The following TMEFF2 variants were observed in gnomAD, a reference collection of about 807,000 sequenced individuals.
TMEFF2 encodes transmembrane protein with EGF like and two follistatin like domains 2.
In TMEFF2, 28 loss-of-function variants were observed where a neutral mutation model predicts 53.8. The ratio of observed to expected loss-of-function variants is 0.52; its 90% CI spans 0.39 to 0.71. The LOEUF (loss-of-function observed/expected upper bound fraction) is 0.71. TMEFF2 is among the 30% of genes least tolerant of loss of function. The pLI, the probability that TMEFF2 is intolerant of heterozygous loss-of-function variation, is 0.00. For missense variants in TMEFF2, 353 were observed against 455.2 expected (o/e 0.78, Z 2.04); for synonymous variants, 162 against 166.3 (o/e 0.97, Z 0.20).
In TMEFF2 at chr2:192,132,022, C is replaced by T. The variant is rs571120395; in HGVS notation, c.439+47646G>A. 5.8e-3 allele frequency among the ~76,000 whole-genome samples: 880 copies of T among 151,874 alleles called. 7 individuals are homozygous for T. Among genetic ancestry groups the T allele is most frequent in the African/African-American group, 0.02 (828 of 41,430 alleles). ...TCCCAAATCTTCCTTCTTTCCCTCC[C>T]GCCTGTCCCCTCAGTCCCAACCCCA... On this transcript the variant is annotated intron_variant, in intron 4 of 9. Transcript: ENST00000272771.
chr2:192,107,170 ACT>A (rs1416242915), intron 4 of TMEFF2, among the ~76,000 whole-genome samples: 4 of 151,726 alleles, frequency 2.6e-5, no homozygotes, highest in African/African-American at 7.2e-5. Flanking sequence ...AGTTATTAAA[ACT>A]TTTTCAGTTA....
At chr2:192,002,089 C>T (rs1296629574) in intron 5 of TMEFF2, among the ~76,000 whole-genome samples, 1 of 152,130 alleles carries the variant, frequency 6.6e-6, no homozygotes, top group Non-Finnish European at 1.5e-5. Context: ...CTGCTGCTGA[C>T]ATCCTTCCCC....
chr2:192,107,308 G>A (rs1340895093), intron 4 of TMEFF2, among the ~76,000 whole-genome samples: 1 of 151,642 alleles, frequency 6.6e-6, no homozygotes. Context: ...ACTTACTGAT[G>A]AAGAATCTTG....
At chr2:192,130,407 T>C (rs760129819) in intron 4 of TMEFF2, among the ~76,000 whole-genome samples, 14 of 152,116 alleles carry the variant, frequency 9.2e-5, no homozygotes, top group Non-Finnish European at 1.6e-4. Context: ...TGAGCCCAAG[T>C]CAAGCCATCG....
At chr2:192,162,586 C>T (rs992193770) in intron 4 of TMEFF2, among the ~76,000 whole-genome samples, 7 of 152,120 alleles carry the variant, frequency 4.6e-5, no homozygotes, top group African/African-American at 1.7e-4. Flanking sequence ...TTACTTTTCG[C>T]CAACCCACAA....
At chr2:192,182,134 T>A (rs998423553) in intron 3 of TMEFF2, among the ~76,000 whole-genome samples, 14 of 151,882 alleles carry the variant, frequency 9.2e-5, no homozygotes, top group African/African-American at 3.4e-4. Flanking sequence ...CAAAAAAAAA[T>A]TAAGTTCAAT....
intron 5 of TMEFF2, chr2:192,028,773 G>A (rs981015817): frequency 2.6e-5 from 4 of 152,216 alleles, no homozygotes; most frequent in African/African-American, 9.6e-5. Flanking sequence ...GATACAAATT[G>A]TGTAATTTTG....
chr2:192,000,881 T>C (rs534517235), intron 5 of TMEFF2, among the ~76,000 whole-genome samples: 6 of 152,342 alleles, frequency 3.9e-5, no homozygotes, highest in African/African-American at 1.2e-4. Flanking sequence ...ACTTAACTCA[T>C]TGAGGAGCGG....
At chr2:192,137,374 C>T (rs1002953248) in intron 4 of TMEFF2, among the ~76,000 whole-genome samples, 3 of 152,012 alleles carry the variant, frequency 2.0e-5, no homozygotes, top group Non-Finnish European at 4.4e-5. Context: ...CATTCCCATC[C>T]CATTGAATTG....
chr2:192,094,212 A>T (rs1209381400), intron 4 of TMEFF2, among the ~76,000 whole-genome samples: 1 of 152,178 alleles, frequency 6.6e-6, no homozygotes, highest in Non-Finnish European at 1.5e-5. Context: ...GTCAGCTTAG[A>T]CTGAGAGGGT....
intron 7 of TMEFF2, among the ~76,000 whole-genome samples, chr2:191,989,704 C>A (rs552349988): frequency 2.0e-5 from 3 of 152,146 alleles, no homozygotes; most frequent in Admixed American, 1.3e-4. Context: ...TCTGGCATAT[C>A]CTGTCCAGTT....
chr2:192,027,822 G>C (rs1257686921), intron 5 of TMEFF2: 1 of 152,226 alleles, frequency 6.6e-6, no homozygotes. Flanking sequence ...TCCATGAGCT[G>C]TGTTCAATAT....
At position 192,194,689 on chromosome 2, in the gene TMEFF2, C is replaced by T; in HGVS notation, c.-165G>A. 1 of 701,578 alleles carries T rather than the reference C, an allele frequency of 1.4e-6. No homozygotes were observed. The highest frequency in any genetic ancestry group is 2.4e-6 in the Non-Finnish European group (1 of 418,080). The allele number at this position is 701,578 out of a possible 1,614,324, so 43.5% of individuals were successfully genotyped here. A position where few individuals can be genotyped will look rare whatever the true frequency, so the allele number is the denominator to read the frequency against. The stretch of plus-strand genomic sequence containing the variant: ...CAGCAGCCAAACCCGCGCATGATCT[C>T]GAGAGTTTCAGCAACATCCAGGGAC... On this transcript the variant is annotated 5_prime_UTR_variant, in exon 1 of 10. Coordinates refer to ENST00000272771, the MANE Select transcript of TMEFF2 (RefSeq NM_016192.4). The surrounding 1 kb of genome is among the most constrained non-coding windows in gnomAD (Gnocchi z 4.2).
At chr2:191,983,391 CTTT>C (rs11396477) in intron 7 of TMEFF2, among the ~76,000 whole-genome samples, 2 of 144,394 alleles carry the variant, frequency 1.4e-5, no homozygotes, top group African/African-American at 2.5e-5. Context: ...GCATCTTAGC[CTTT>C]TTTTTTTTTT....
chr2:192,116,424 TTAATAA>T (rs1475598558), intron 4 of TMEFF2, among the ~76,000 whole-genome samples: 1 of 151,924 alleles, frequency 6.6e-6, no homozygotes, highest in East Asian at 1.9e-4. Flanking sequence ...GTGAGTATAC[TTAATAA>T]TAATGTATTG....
At chr2:192,030,725 T>C (rs1035189422) in intron 5 of TMEFF2, 1 of 152,080 alleles carries the variant, frequency 6.6e-6, no homozygotes, top group African/African-American at 2.4e-5. Context: ...GGGTCTGAAC[T>C]ACACTGGTGT....
chr2:191,997,814 T>C (rs1007560994), intron 7 of TMEFF2, among the ~76,000 whole-genome samples: 1 of 151,892 alleles, frequency 6.6e-6, no homozygotes, highest in East Asian at 1.9e-4. Context: ...TAACTTTGCA[T>C]CTAAATAAAG....
chr2:192,045,430 C>G (rs1305914314), intron 5 of TMEFF2, among the ~76,000 whole-genome samples: 2 of 152,140 alleles, frequency 1.3e-5, no homozygotes, highest in Non-Finnish European at 2.9e-5. Context: ...GGATAGATCT[C>G]TCTCAATGGG....
intron 4 of TMEFF2, among the ~76,000 whole-genome samples, chr2:192,169,107 C>G (rs1440430883): frequency 6.6e-6 from 1 of 152,060 alleles, no homozygotes; most frequent in Non-Finnish European, 1.5e-5. Context: ...GCTTTCTTTT[C>G]TAATATACAG....
Sources: gnomAD v4.1 joint callset for allele counts (sites outside exome capture counted in the v4.1 genomes callset) on GRCh38, gnomAD v4.1.1 for gene constraint, Gnocchi (gnomAD v3.1) non-coding constraint, MANE v1.5 for transcripts, NCBI Gene and HGNC (gene_info 2026-07-23, HGNC 2026-07-21) for gene names.